MCPH1: variants seen among roughly 807,000 people sequenced by gnomAD.
MCPH1 encodes the protein microcephalin 1.
Under a neutral mutation model 84.5 loss-of-function variants are expected in MCPH1, and 104 were observed. That is an observed-to-expected ratio of 1.23 (90% CI 1.05 to 1.45). MCPH1 has a LOEUF of 1.45. Among genes scored for constraint, MCPH1 ranks in the 40% most tolerant of loss-of-function variants. The probability of loss-of-function intolerance (pLI) is 0.00; values close to 1 mark genes in which losing one functional copy is unlikely to be tolerated. For synonymous variants in MCPH1, 514 were observed against 366.8 expected, an observed-to-expected ratio of 1.40 and a Z score of -4.58; for missense variants, 1,498 against 1,005.7, an observed-to-expected ratio of 1.49 and a Z score of -6.62.
intron 12 of MCPH1, among the ~76,000 whole-genome samples, chr8:6,505,294 C>CATATATGT (rs1813192435): frequency 2.2e-4 from 8 of 36,792 alleles, no homozygotes. Flanking sequence ...ATGTTATATA[C>CATATATGT]ATATATATGT....
rs11137040 is a variant in MCPH1 at position 6,621,439 on chromosome 8, C to G, written c.2215-15C>G. On this transcript the variant is annotated splice_polypyrimidine_tract_variant and intron_variant, in intron 12 of 13. Transcript: ENST00000344683. ...TGGTCCCACCTCTGTAATTCTATCT[C>G]TGTCTGCCCCACAGCTGTGCCGAAG... is the stretch of plus-strand genomic sequence containing the variant. 0.28 allele frequency: 447,641 copies of G among 1,606,776 alleles called. 64,589 individuals carry two copies. The highest frequency in any genetic ancestry group is 0.33 in the Middle Eastern group (1,981 of 6,058).
intron 11 of MCPH1, among the ~76,000 whole-genome samples, chr8:6,498,141 A>G (rs1332434265): frequency 6.6e-6 from 1 of 152,256 alleles, no homozygotes; most frequent in South Asian, 2.1e-4. Flanking sequence ...TAAAATGTAA[A>G]AAACACTATT....
chr8:6,629,947 G>C (rs1054110750), intron 13 of MCPH1, among the ~76,000 whole-genome samples: 5 of 152,216 alleles, frequency 3.3e-5, no homozygotes, highest in Non-Finnish European at 7.3e-5. Flanking sequence ...GCCACTGACT[G>C]TTGTGGTCTC....
At chr8:6,436,263 G>C in intron 5 of MCPH1, 101 bp downstream of exon 5, 1 of 1,245,126 alleles carries the variant, frequency 8.0e-7, no homozygotes, top group Non-Finnish European at 1.1e-6. Context: ...AGCTGATGAA[G>C]ACTATGATAG....
At chr8:6,407,999 C>A (rs1379953306) in intron 1 of MCPH1, among the ~76,000 whole-genome samples, 2 of 152,220 alleles carry the variant, frequency 1.3e-5, no homozygotes, top group East Asian at 3.8e-4. Context: ...GTTTGTGCCA[C>A]AACCGTGAAG....
intron 12 of MCPH1, among the ~76,000 whole-genome samples, chr8:6,614,573 C>T (rs186856203): frequency 6.6e-6 from 1 of 152,352 alleles, no homozygotes; most frequent in African/African-American, 2.4e-5. Context: ...CATTAGCAAA[C>T]ACACACGTCC....
At chr8:6,440,065 G>C (rs1158570403) in intron 6 of MCPH1, among the ~76,000 whole-genome samples, 5 of 152,182 alleles carry the variant, frequency 3.3e-5, no homozygotes, top group African/African-American at 1.2e-4. Flanking sequence ...TTACTTAAGA[G>C]TATCCTGGAG....
At chr8:6,471,661 G>C (rs946188292) in intron 9 of MCPH1, among the ~76,000 whole-genome samples, 1 of 152,174 alleles carries the variant, frequency 6.6e-6, no homozygotes, top group Non-Finnish European at 1.5e-5. Flanking sequence ...ACTTGATCTT[G>C]GGTTAGCAGT....
At chr8:6,478,895 A>G (rs1453176609) in intron 10 of MCPH1, among the ~76,000 whole-genome samples, 1 of 152,228 alleles carries the variant, frequency 6.6e-6, no homozygotes, top group African/African-American at 2.4e-5. Context: ...ATTTAAAAGC[A>G]TGATATAATT....
intron 12 of MCPH1, chr8:6,503,117 C>T: frequency 1.9e-6 from 3 of 1,614,084 alleles, no homozygotes; most frequent in Non-Finnish European, 2.5e-6. Context: ...ATCTGCTGGT[C>T]GGATCATCAT....
Position 6,477,648 on chromosome 8 carries a change from A to G in MCPH1, c.1973+17A>G, listed in dbSNP as rs1165396640. On this transcript the variant is annotated intron_variant, in intron 10 of 13. Transcript: ENST00000344683. ...GCCATCTGAGTAAGTACTTGTTTTG[A>G]TTTCTGTTCAATGTAAAATGTTAAC... 5 of 1,607,514 alleles carry G rather than the reference A, an allele frequency of 3.1e-6. No homozygotes were observed. The highest frequency in any genetic ancestry group is 3.3e-4 in the Middle Eastern group (2 of 5,978).
chr8:6,423,323 C>A (rs891060314), intron 3 of MCPH1, among the ~76,000 whole-genome samples: 3 of 149,974 alleles, frequency 2.0e-5, no homozygotes, highest in African/African-American at 5.0e-5. Context: ...CGCCACCACG[C>A]CTGGCTAATT....
intron 12 of MCPH1, chr8:6,508,709 G>A: frequency 1.6e-6 from 1 of 638,954 alleles, no homozygotes; most frequent in Non-Finnish European, 2.7e-6. Context: ...GTCCTGAGGA[G>A]ACACAGTTGG....
At chr8:6,566,465 C>A (rs558092244) in intron 12 of MCPH1, among the ~76,000 whole-genome samples, 1 of 152,168 alleles carries the variant, frequency 6.6e-6, no homozygotes, top group Non-Finnish European at 1.5e-5. Context: ...TGACACTGTA[C>A]GCCGTGCAGC....
At chr8:6,477,716 T>A (rs1310668998) in intron 10 of MCPH1, 85 bp downstream of exon 10, 1 of 1,020,906 alleles carries the variant, frequency 9.8e-7, no homozygotes, top group Non-Finnish European at 1.6e-6. Flanking sequence ...TTTAGGCAAC[T>A]TGTCAATCTG....
chr8:6,439,919 T>C (rs924987208), intron 6 of MCPH1, among the ~76,000 whole-genome samples: 3 of 152,204 alleles, frequency 2.0e-5, no homozygotes, highest in African/African-American at 7.2e-5. Context: ...TAAGTTTAAG[T>C]GTTTTTCCAG....
intron 3 of MCPH1, among the ~76,000 whole-genome samples, chr8:6,427,581 C>T (rs551207615): frequency 7.2e-5 from 11 of 152,060 alleles, no homozygotes; most frequent in African/African-American, 2.2e-4. Flanking sequence ...ATTCTTGCTA[C>T]GTTGCCCCCA....
At chr8:6,606,061 T>A (rs1829751975) in intron 12 of MCPH1, among the ~76,000 whole-genome samples, 1 of 152,228 alleles carries the variant, frequency 6.6e-6, no homozygotes, top group African/African-American at 2.4e-5. Context: ...GTAAGTTTTG[T>A]TTTAATAAAA....
intron 12 of MCPH1, among the ~76,000 whole-genome samples, chr8:6,507,077 T>C (rs545752758): frequency 1.3e-5 from 2 of 152,234 alleles, no homozygotes; most frequent in African/African-American, 2.4e-5. Context: ...TTTGTATTTT[T>C]AGTAGAGATG....
Sources: gnomAD v4.1 joint callset for allele counts (sites outside exome capture counted in the v4.1 genomes callset) on GRCh38, gnomAD v4.1.1 for gene constraint, MANE v1.5 for transcripts, NCBI Gene and HGNC (gene_info 2026-07-23, HGNC 2026-07-21) for gene names.